The following RBPMS variants were observed in gnomAD, a reference collection of about 807,000 sequenced individuals.
RBPMS encodes RNA-binding protein with multiple splicing.
In RBPMS, 7 loss-of-function variants were observed where a neutral mutation model predicts 26.8. That is an observed-to-expected ratio of 0.26 (90% confidence interval 0.15 to 0.49). RBPMS has a LOEUF of 0.49. Among genes scored for constraint, RBPMS ranks in the 20% least tolerant of loss-of-function variants. The pLI is 0.98. For synonymous variants in RBPMS, 96 were observed against 93.3 expected (o/e 1.03, Z -0.17); for missense variants, 186 against 250.0 (o/e 0.74, Z 1.73).
chr8:30,435,072 T>C (rs762367541), intron 1 of RBPMS, among the ~76,000 whole-genome samples: 3 of 152,146 alleles, frequency 2.0e-5, no homozygotes, highest in Non-Finnish European at 4.4e-5. Context: ...AAGCATCCCT[T>C]ATCTGAAAAT....
At chr8:30,517,189 CGTGTGTGTGTGTGTGTGTGTGTGT>C (rs56327512) in intron 5 of RBPMS, among the ~76,000 whole-genome samples, 198 of 132,562 alleles carry the variant, frequency 1.5e-3, no homozygotes, top group African/African-American at 5.3e-3. Context: ...GCCAAGACCC[CGTGTGTGTGTGTGTGTGTGTGTGT>C]GTGTGTGTGT....
chr8:30,459,046 C>G (rs373672596), intron 1 of RBPMS, among the ~76,000 whole-genome samples: 1 of 151,682 alleles, frequency 6.6e-6, no homozygotes, highest in African/African-American at 2.4e-5. Flanking sequence ...TCACTGCAAC[C>G]GCCACCTCCT....
At chr8:30,528,937 C>T (rs536061383) in intron 5 of RBPMS, among the ~76,000 whole-genome samples, 2 of 151,962 alleles carry the variant, frequency 1.3e-5, no homozygotes, top group South Asian at 2.1e-4. Context: ...TGTGGTAGGC[C>T]CAGCACAGTG....
intron 5 of RBPMS, among the ~76,000 whole-genome samples, chr8:30,512,282 GTTTA>G (rs1821801488): frequency 6.6e-6 from 1 of 151,514 alleles, no homozygotes; most frequent in South Asian, 2.1e-4. Context: ...TTTTGTTTTT[GTTTA>G]TTTTATACAT....
chr8:30,510,553 C>A (rs761022113), intron 5 of RBPMS, among the ~76,000 whole-genome samples: 7 of 151,866 alleles, frequency 4.6e-5, no homozygotes, highest in African/African-American at 1.7e-4. Context: ...CCTGCTCCCC[C>A]TCCTGCCCTT....
At chr8:30,408,969 T>C (rs893257708) in intron 1 of RBPMS, among the ~76,000 whole-genome samples, 1 of 152,210 alleles carries the variant, frequency 6.6e-6, no homozygotes, top group African/African-American at 2.4e-5. Flanking sequence ...GTCTTTTGGC[T>C]TTTTTCACTT....
chr8:30,413,844 C>T (rs1809738590), intron 1 of RBPMS, among the ~76,000 whole-genome samples: 1 of 152,112 alleles, frequency 6.6e-6, no homozygotes. Context: ...ATCTCTTGAC[C>T]TCATGATCTG....
intron 8 of RBPMS, among the ~76,000 whole-genome samples, chr8:30,566,795 A>G (rs763005802): frequency 6.6e-6 from 1 of 152,152 alleles, no homozygotes; most frequent in Non-Finnish European, 1.5e-5. Flanking sequence ...ATCCAGTTAT[A>G]CTGCATATGA....
At chr8:30,542,955 CCTGA>C (rs1162558133) in intron 5 of RBPMS, among the ~76,000 whole-genome samples, 8 of 152,248 alleles carry the variant, frequency 5.3e-5, no homozygotes, top group East Asian at 1.9e-4. Context: ...TTGCTTTCAC[CCTGA>C]CTAATAATGA....
intron 1 of RBPMS, among the ~76,000 whole-genome samples, chr8:30,421,247 G>T (rs1015833789): frequency 1.3e-5 from 2 of 152,044 alleles, no homozygotes; most frequent in Non-Finnish European, 2.9e-5. Context: ...TAGCATCTAG[G>T]GTGGAGCTAA....
At position 30,384,716 on chromosome 8, in the gene RBPMS, C is replaced by G. The variant is rs955032547; in HGVS notation, c.-377C>G. 1.1e-4 allele frequency: 19 copies of G among 180,242 alleles called. No homozygotes were observed. The highest frequency in any genetic ancestry group is 1.9e-4 in the Non-Finnish European group (16 of 86,336). 11.2% of individuals were successfully genotyped at this position (180,242 alleles called of 1,614,324 possible). ...CAGCCCCAACTCTCCGCGCTTACTC[C>G]TGGGACGCGCGTCCTCGCCCCATCC... is the stretch of plus-strand genomic sequence containing the variant. On this transcript the variant is annotated 5_prime_UTR_variant, in exon 1 of 9. Coordinates refer to ENST00000397323, the MANE Select transcript of RBPMS (RefSeq NM_001008710.3). The surrounding 1 kb of genome is among the most constrained non-coding windows in gnomAD (Gnocchi z 5.6).
chr8:30,440,175 C>T (rs1812915886), intron 1 of RBPMS, among the ~76,000 whole-genome samples: 1 of 152,204 alleles, frequency 6.6e-6, no homozygotes, highest in Non-Finnish European at 1.5e-5. Flanking sequence ...TGGCCTCAAG[C>T]AATCCTCCTT....
At chr8:30,427,627 G>A (rs1811501594) in intron 1 of RBPMS, among the ~76,000 whole-genome samples, 1 of 152,180 alleles carries the variant, frequency 6.6e-6, no homozygotes, top group South Asian at 2.1e-4. Context: ...ATATCATGTT[G>A]TAATTATTTT....
Position 30,423,773 on chromosome 8 carries a change from G to C in RBPMS, c.66+38615G>C, listed in dbSNP as rs555269120. Among the ~76,000 whole-genome samples the C allele has an allele frequency of 2.0e-4, 30 of 152,116 alleles. 2 individuals are homozygous for C. In the South Asian group the frequency reaches 4.8e-3, roughly 24 times the overall value. On this transcript the variant is annotated intron_variant, in intron 1 of 8. Transcript: ENST00000397323. ...CTCTCTCAGGAAGAAAGGCAGGATGGTGCGGGGGTTTAAACTAGGTTTGTA... is the reference window on the plus strand; with the variant it reads ...CTCTCTCAGGAAGAAAGGCAGGATGCTGCGGGGGTTTAAACTAGGTTTGTA...
intron 6 of RBPMS, chr8:30,547,409 G>C (rs776036398): frequency 6.2e-7 from 1 of 1,600,608 alleles, no homozygotes; most frequent in Non-Finnish European, 8.5e-7. Context: ...CCAGCAGAGG[G>C]AGCTCCCATG....
chr8:30,518,854 G>C (rs55991727), intron 5 of RBPMS, among the ~76,000 whole-genome samples: 1 of 151,624 alleles, frequency 6.6e-6, no homozygotes, highest in Non-Finnish European at 1.5e-5. Context: ...AGATGGAGCA[G>C]AGAGTAAGTG....
intron 5 of RBPMS, among the ~76,000 whole-genome samples, chr8:30,526,351 C>T (rs1310042790): frequency 6.6e-6 from 1 of 152,224 alleles, no homozygotes; most frequent in African/African-American, 2.4e-5. Context: ...TCTCTTTCTT[C>T]ATAAAGCTTG....
intron 1 of RBPMS, among the ~76,000 whole-genome samples, chr8:30,464,649 T>C (rs1816300328): frequency 6.6e-6 from 1 of 152,236 alleles, no homozygotes; most frequent in African/African-American, 2.4e-5. Flanking sequence ...CCATGAACTC[T>C]GTGTTGTCTG....
At chr8:30,472,650 CATT>C (rs1817259386) in intron 1 of RBPMS, among the ~76,000 whole-genome samples, 1 of 152,176 alleles carries the variant, frequency 6.6e-6, no homozygotes, top group Admixed American at 6.5e-5. Flanking sequence ...CTATTTACAT[CATT>C]ATAGTGTTTA....
Sources: gnomAD v4.1 joint callset for allele counts (sites outside exome capture counted in the v4.1 genomes callset) on GRCh38, gnomAD v4.1.1 for gene constraint, Gnocchi (gnomAD v3.1) non-coding constraint, MANE v1.5 for transcripts, NCBI Gene and HGNC (gene_info 2026-07-23, HGNC 2026-07-21) for gene names.